The following SCP2 variants were observed in gnomAD, a reference collection of about 807,000 sequenced individuals.
SCP2 encodes sterol carrier protein 2, also known as SCP-2/3-oxoacyl-CoA thiolase.
A neutral mutation model predicts 71.4 loss-of-function variants in SCP2; 48 were observed. That is an observed-to-expected ratio of 0.67 (90% CI 0.53 to 0.86). SCP2 has a LOEUF of 0.86. Among genes scored for constraint, SCP2 ranks in the 40% least tolerant of loss-of-function variants. The pLI, the probability that SCP2 is intolerant of heterozygous loss-of-function variation, is 0.00. For synonymous variants in SCP2, 220 were observed against 218.1 expected (o/e 1.01, Z -0.08); for missense variants, 560 against 655.6 (o/e 0.85, Z 1.59).
At chr1:52,966,039 G>A (rs1013021717) in intron 6 of SCP2, among the ~76,000 whole-genome samples, 10 of 151,988 alleles carry the variant, frequency 6.6e-5, no homozygotes, top group African/African-American at 2.2e-4. Context: ...ACTTATAGGG[G>A]TTTCCACATA....
At chr1:53,024,399 CATT>C (rs1045694972) in intron 12 of SCP2, among the ~76,000 whole-genome samples, 8 of 151,978 alleles carry the variant, frequency 5.3e-5, no homozygotes, top group African/African-American at 1.9e-4. Context: ...GGTTGCACAA[CATT>C]ATGACTGTAT....
intron 13 of SCP2, among the ~76,000 whole-genome samples, chr1:53,034,466 A>T (rs1377797637): frequency 1.3e-5 from 2 of 152,154 alleles, no homozygotes; most frequent in Non-Finnish European, 2.9e-5. Flanking sequence ...GGAGACAGGG[A>T]ATGACTGCTA....
At chr1:52,960,911 C>G (rs1035153128) in intron 5 of SCP2, among the ~76,000 whole-genome samples, 2 of 151,386 alleles carry the variant, frequency 1.3e-5, no homozygotes, top group African/African-American at 4.9e-5. Context: ...TACCACCACA[C>G]CTGGCTAATT....
chr1:52,974,537 GA>G (rs1657777615), intron 6 of SCP2, among the ~76,000 whole-genome samples: 1 of 152,118 alleles, frequency 6.6e-6, no homozygotes. Flanking sequence ...AGATCAGTTT[GA>G]ACTGTTTTTA....
At chr1:53,025,298 C>G (rs928941504) in intron 12 of SCP2, among the ~76,000 whole-genome samples, 4 of 152,108 alleles carry the variant, frequency 2.6e-5, no homozygotes, top group African/African-American at 9.7e-5. Context: ...TAATGGAGGT[C>G]TAAAGGGCAT....
intron 14 of SCP2, among the ~76,000 whole-genome samples, chr1:53,046,836 C>G (rs908678263): frequency 1.3e-5 from 2 of 152,180 alleles, no homozygotes; most frequent in African/African-American, 4.8e-5. Flanking sequence ...TTTGTTAACC[C>G]TTGATCTAGA....
At chr1:52,928,417 C>A (rs1557535595) in intron 1 of SCP2, among the ~76,000 whole-genome samples, 1 of 152,238 alleles carries the variant, frequency 6.6e-6, no homozygotes, top group Non-Finnish European at 1.5e-5. Context: ...AGGGAGAGTT[C>A]TATTTCTGAG....
chr1:52,998,294 A>C (rs61599020), intron 11 of SCP2, among the ~76,000 whole-genome samples: 20,658 of 152,176 alleles, frequency 0.14, 2,024 homozygotes, highest in East Asian at 0.32. Flanking sequence ...GGACAGATCT[A>C]TATGAGTAAC....
At chr1:52,934,006 C>T (rs932376098) in intron 1 of SCP2, among the ~76,000 whole-genome samples, 1 of 152,192 alleles carries the variant, frequency 6.6e-6, no homozygotes, top group Admixed American at 6.5e-5. Context: ...TCACTTAAGA[C>T]CTCGATGAAG....
intron 7 of SCP2, among the ~76,000 whole-genome samples, chr1:52,975,193 T>G (rs571328938): frequency 7.2e-4 from 110 of 151,778 alleles, no homozygotes; most frequent in African/African-American, 2.6e-3. Flanking sequence ...TTATTATTAT[T>G]TTTTTTAGAT....
chr1:53,013,882 CTTTTTTTTTTT>C (rs71044449), intron 11 of SCP2, among the ~76,000 whole-genome samples: 797 of 63,064 alleles, frequency 0.013, 10 homozygotes, highest in African/African-American at 0.037. Flanking sequence ...ATAGAACATT[CTTTTTTTTTTT>C]TTTTTTTTTT....
chr1:52,932,764 G>A (rs1292607721), intron 1 of SCP2, among the ~76,000 whole-genome samples: 1 of 152,148 alleles, frequency 6.6e-6, no homozygotes, highest in Non-Finnish European at 1.5e-5. Context: ...CAGTAATTAT[G>A]TTACTGAGCA....
chr1:53,023,690 C>T (rs1661908063), intron 12 of SCP2, among the ~76,000 whole-genome samples: 1 of 152,022 alleles, frequency 6.6e-6, no homozygotes, highest in Admixed American at 6.6e-5. Flanking sequence ...GTATTCTGGA[C>T]CCAGGGAGCA....
chr1:53,023,586 C>T (rs943082397), intron 12 of SCP2, among the ~76,000 whole-genome samples: 1 of 152,088 alleles, frequency 6.6e-6, no homozygotes, highest in Non-Finnish European at 1.5e-5. Context: ...GGTATCTGCT[C>T]TTAAGCCGTT....
Position 53,015,046 on chromosome 1 carries a change from G to T in SCP2, c.1235+3G>T. The T allele has an allele frequency of 6.2e-7, 1 of 1,613,906 alleles. No individual in the cohort carries two copies. The highest frequency in any genetic ancestry group is 8.5e-7 in the Non-Finnish European group (1 of 1,179,828). On this transcript the variant is annotated splice_donor_region_variant and intron_variant, in intron 12 of 15. Coordinates refer to ENST00000371514, the MANE Select transcript of SCP2 (RefSeq NM_002979.5). ...ATGGGTTTTCCGGAAGCCGCCAGGT[G>T]AGTGACATTCAGAGTTTTGTGTGTC... is the stretch of plus-strand genomic sequence containing the variant.
intron 13 of SCP2, among the ~76,000 whole-genome samples, chr1:53,028,651 A>T (rs959667067): frequency 6.6e-6 from 1 of 152,026 alleles, no homozygotes; most frequent in East Asian, 1.9e-4. Flanking sequence ...AAAGTTTAAA[A>T]TCTCCCCAAA....
At chr1:53,046,480 C>CGT (rs1663828314) in intron 14 of SCP2, among the ~76,000 whole-genome samples, 1 of 152,026 alleles carries the variant, frequency 6.6e-6, no homozygotes, top group Non-Finnish European at 1.5e-5. Context: ...TTATATAATG[C>CGT]CTACATGTGT....
intron 1 of SCP2, among the ~76,000 whole-genome samples, chr1:52,929,879 T>C (rs985678414): frequency 2.0e-5 from 3 of 152,200 alleles, no homozygotes; most frequent in African/African-American, 7.2e-5. Context: ...CGCCTCGGAC[T>C]CCCAAAGTGC....
At chr1:52,993,941 A>T (rs1049736075) in intron 11 of SCP2, 1 of 1,354,794 alleles carries the variant, frequency 7.4e-7, no homozygotes, top group Non-Finnish European at 9.5e-7. Flanking sequence ...ATCGGTAGCC[A>T]TCAATTGCAG....
Sources: allele counts gnomAD v4.1 joint callset (sites outside exome capture counted in the v4.1 genomes callset), GRCh38; gene constraint gnomAD v4.1.1; transcripts MANE v1.5; gene names NCBI Gene and HGNC (gene_info 2026-07-23, HGNC 2026-07-21).